IRF5: variants seen among roughly 807,000 people sequenced by gnomAD.
IRF5 encodes interferon regulatory factor 5.
Under a neutral mutation model 55.1 loss-of-function variants are expected in IRF5, and 24 were observed. That is an observed-to-expected ratio of 0.44 (90% CI 0.32 to 0.61). The LOEUF (loss-of-function observed/expected upper bound fraction) is 0.61, where lower values mean the gene tolerates loss of function less well. Among genes scored for constraint, IRF5 ranks in the 20% least tolerant of loss-of-function variants. IRF5 has a pLI of 0.07. For missense variants in IRF5, 499 were observed against 658.5 expected (o/e 0.76, Z 2.65); for synonymous variants, 258 against 260.2 (o/e 0.99, Z 0.08).
At position 128,946,730 on chromosome 7, in the gene IRF5, C is replaced by T. The variant is rs1796326295; in HGVS notation, c.447+168C>T. 5 of 641,292 alleles carry T rather than the reference C, an allele frequency of 7.8e-6. No individual in the cohort carries two copies. In the East Asian group the frequency reaches 1.4e-4, roughly 17 times the overall value. 39.7% of individuals were successfully genotyped at this position (641,292 alleles called of 1,614,324 possible). A position where few individuals can be genotyped will look rare whatever the true frequency, so the allele number is the denominator to read the frequency against. ...ACGATAGGAGCACAGTCCCCACCTG[C>T]TCCTTCCCAGGGCATTGTCATTACC... On this transcript the variant is annotated intron_variant, in intron 4 of 8. Transcript: ENST00000357234. The surrounding 1 kb of genome is among the most constrained non-coding windows in gnomAD (Gnocchi z 4.2).
rs1796446572 is a variant in IRF5, at chr7:128,948,409, G to A, written c.1299+81G>A. On this transcript the variant is annotated intron_variant, in intron 8 of 8. Coordinates refer to ENST00000357234, the MANE Select transcript of IRF5 (RefSeq NM_001098629.3). This position sits in a 1 kb window ranked among gnomAD's most constrained non-coding sequence, Gnocchi z 4.6. ...GCTAGGCCCTTGCCCCAGGCTGGAGGCTCAGGGCTCCCTGAGCAGTGTGAA... is the reference window on the plus strand; with the variant it reads ...GCTAGGCCCTTGCCCCAGGCTGGAGACTCAGGGCTCCCTGAGCAGTGTGAA... The A allele has an allele frequency of 6.8e-7, 1 of 1,463,132 alleles. No individual in the cohort carries two copies. Among genetic ancestry groups the A allele is most frequent in the Admixed American group, 2.1e-5 (1 of 48,498 alleles). 90.6% of individuals were successfully genotyped at this position (1,463,132 alleles called of 1,614,324 possible). A position where few individuals can be genotyped will look rare whatever the true frequency, so the allele number is the denominator to read the frequency against.
At chr7:128,941,417 C>T (rs1320211015) in intron 1 of IRF5, 2 of 152,352 alleles carry the variant, frequency 1.3e-5, no homozygotes, top group Non-Finnish European at 2.9e-5. Context: ...TGCCTGCTGT[C>T]ATTGGAGGTG....
chr7:128,939,321 T>G (rs1585287700), intron 1 of IRF5, among the ~76,000 whole-genome samples: 1 of 152,196 alleles, frequency 6.6e-6, no homozygotes, highest in Non-Finnish European at 1.5e-5. Flanking sequence ...TTGGGGTTTT[T>G]CCCCTGTACC....
In IRF5 at chr7:128,948,933, C is replaced by A; in HGVS notation, c.*115C>A. ...GCTGCAGGGTCCTACCTCTGGGTTTCCTGGAAGTGGATTTGGGCCAAGAAG... is the reference window on the plus strand; with the variant it reads ...GCTGCAGGGTCCTACCTCTGGGTTTACTGGAAGTGGATTTGGGCCAAGAAG... On this transcript the variant is annotated 3_prime_UTR_variant, in exon 9 of 9. Transcript: ENST00000357234. This position sits in a 1 kb window ranked among gnomAD's most constrained non-coding sequence, Gnocchi z 4.6. 1.3e-5 allele frequency: 17 copies of A among 1,317,304 alleles called. No individual in the cohort carries two copies. Among genetic ancestry groups the A allele is most frequent in the Non-Finnish European group, 1.7e-5 (17 of 972,146 alleles). The allele number at this position is 1,317,304 out of a possible 1,614,324, so 81.6% of individuals were successfully genotyped here.
At chr7:128,941,851 G>A (rs986012631) in intron 1 of IRF5, among the ~76,000 whole-genome samples, 4 of 152,306 alleles carry the variant, frequency 2.6e-5, no homozygotes, top group African/African-American at 7.2e-5. Flanking sequence ...CTGGGGCCGC[G>A]CCCGCAGCAT....
Position 128,947,643 on chromosome 7 carries a change from C to T in IRF5, c.788-86C>T, listed in dbSNP as rs946689436. On this transcript the variant is annotated intron_variant, in intron 6 of 8. Transcript: ENST00000357234. This position sits in a 1 kb window ranked among gnomAD's most constrained non-coding sequence, Gnocchi z 6.5. ...CCCTTGGGTGGGAAAAGTGGGAGGG[C>T]GGATGGGGCTGGGCCTGGCCACTGG... 4.0e-6 allele frequency: 6 copies of T among 1,503,110 alleles called. No homozygotes were observed. The highest frequency in any genetic ancestry group is 4.7e-5 in the East Asian group (2 of 42,906). The allele number at this position is 1,503,110 out of a possible 1,614,324, so 93.1% of individuals were successfully genotyped here. A position where few individuals can be genotyped will look rare whatever the true frequency, so the allele number is the denominator to read the frequency against.
chr7:128,942,192 C>T lies in IRF5; in HGVS notation c.111C>T (p.Asn37=), dbSNP rs140402357. Residue 37 remains asparagine (N), a synonymous_variant, in exon 2 of 9, where the codon AAC becomes AAT. Coordinates refer to ENST00000357234, the MANE Select transcript of IRF5 (RefSeq NM_001098629.3). The part of the protein sequence containing the change: ...SCQYPGLQWV[N]GEKKLFCIPW... ...AGTACCCAGGGCTTCAATGGGTCAACGGGGAAAAGAAATTATTCTGCATCC... is the reference window on the plus strand; with the variant it reads ...AGTACCCAGGGCTTCAATGGGTCAATGGGGAAAAGAAATTATTCTGCATCC... 78 of 1,613,936 alleles carry T rather than the reference C, an allele frequency of 4.8e-5. No individual in the cohort carries two copies. The highest frequency in any genetic ancestry group is 6.0e-5 in the Non-Finnish European group (71 of 1,179,986).
rs1302974423 is a variant in IRF5 at position 128,947,342 on chromosome 7, C to CACTCTGCGGCCGCCT, written c.601_602insGGCCGCCTACTCTGC (p.Leu200_Gln201insArgProProThrLeu). On this transcript the variant is annotated inframe_insertion, in exon 6 of 9. Coordinates refer to ENST00000357234, the MANE Select transcript of IRF5 (RefSeq NM_001098629.3). The surrounding 1 kb of genome is among the most constrained non-coding windows in gnomAD (Gnocchi z 6.5). ...TGCGGCCGCCTACTCTGCAGCCGCC[C>CACTCTGCGGCCGCCT]ACTCTGCAGCCGCCCGTGGTGCTGG... 1 of 1,596,254 alleles carries CACTCTGCGGCCGCCT rather than the reference C, an allele frequency of 6.3e-7. No homozygotes were observed. The highest frequency in any genetic ancestry group is 8.5e-7 in the Non-Finnish European group (1 of 1,170,070).
intron 1 of IRF5, 76 bp from the exon 2 acceptor site, chr7:128,941,995 A>G (rs1796048620): frequency 8.8e-7 from 1 of 1,138,352 alleles, no homozygotes; most frequent in South Asian, 1.5e-5. Flanking sequence ...TTTGTGGTCC[A>G]TAGCTTGACC....
Position 128,948,741 on chromosome 7 carries a change from G to A in IRF5, c.1468G>A (p.Val490Met), listed in dbSNP as rs780602210. The change falls in exon 9 of 9, where the codon GTG (valine) becomes ATG (methionine). Residue 490 changes from valine (V) to methionine (M), a missense_variant. Val to Met is a conservative substitution (Grantham distance 21, BLOSUM62 1). Coordinates refer to ENST00000357234, the MANE Select transcript of IRF5 (RefSeq NM_001098629.3). The surrounding 1 kb of genome is among the most constrained non-coding windows in gnomAD (Gnocchi z 4.6). Reference protein sequence around the residue: ...IWQSQQRLQPVAQAPPGAGLG... With the variant: ...IWQSQQRLQPMAQAPPGAGLG... Reference sequence around the variant, plus strand: ...GCAGTCCCAGCAGCGGTTGCAGCCTGTGGCCCAGGCCCCTCCTGGAGCAGG... The same window carrying A: ...GCAGTCCCAGCAGCGGTTGCAGCCTATGGCCCAGGCCCCTCCTGGAGCAGG... 4 of 1,613,202 alleles carry A rather than the reference G, an allele frequency of 2.5e-6. No individual in the cohort carries two copies. In the African/African-American group the frequency reaches 5.3e-5, roughly 22 times the overall value.
At chr7:128,938,208 G>T in intron 1 of IRF5, 159 bp downstream of exon 1, 1 of 152,482 alleles carries the variant, frequency 6.6e-6, no homozygotes, top group Non-Finnish European at 1.5e-5. Context: ...GGAGTAGGGC[G>T]GGGTCCGCGT....
chr7:128,948,461 C>T lies in IRF5; in HGVS notation c.1300-112C>T. ...TTGGCGGCCAGAGACCATCAAGGCT[C>T]AGAGCCGGAGAATGCGGTCTATTAC... On this transcript the variant is annotated intron_variant, in intron 8 of 8. Coordinates refer to ENST00000357234, the MANE Select transcript of IRF5 (RefSeq NM_001098629.3). This position sits in a 1 kb window ranked among gnomAD's most constrained non-coding sequence, Gnocchi z 4.6. 6.6e-7 allele frequency: 1 copy of T among 1,504,230 alleles called. No individual in the cohort carries two copies. 93.2% of individuals were successfully genotyped at this position (1,504,230 alleles called of 1,614,324 possible). A position where few individuals can be genotyped will look rare whatever the true frequency, so the allele number is the denominator to read the frequency against.
At chr7:128,944,906 G>A (rs535013283) in intron 2 of IRF5, among the ~76,000 whole-genome samples, 6 of 152,258 alleles carry the variant, frequency 3.9e-5, no homozygotes, top group African/African-American at 7.2e-5. Flanking sequence ...GCACTGCTGC[G>A]AATAACTTTG....
intron 1 of IRF5, chr7:128,940,317 G>A (rs567693489): frequency 6.6e-5 from 10 of 152,414 alleles, no homozygotes; most frequent in African/African-American, 2.2e-4. Context: ...CTCAGCCCAG[G>A]GGGTCATTAG....
rs34270648 is a variant in IRF5, at chr7:128,948,380, T to TG, written c.1299+56dup. 163,560 of 1,504,572 alleles carry TG rather than the reference T, an allele frequency of 0.11. 10,365 individuals carry two copies. Among genetic ancestry groups the TG allele is most frequent in the Admixed American group, 0.18 (9,012 of 48,914 alleles). 93.2% of individuals were successfully genotyped at this position (1,504,572 alleles called of 1,614,324 possible). On this transcript the variant is annotated intron_variant, in intron 8 of 8. Transcript: ENST00000357234. This position sits in a 1 kb window ranked among gnomAD's most constrained non-coding sequence, Gnocchi z 4.6. ...CCTTGGCTTGAAAACTGGGGAATCC[T>TG]GGGGCTAGGCCCTTGCCCCAGGCTG...
In IRF5 at chr7:128,947,357, C is replaced by G. The variant is rs567430670; in HGVS notation, c.609C>G (p.Pro203=). 6.2e-7 allele frequency: 1 copy of G among 1,608,648 alleles called. No individual in the cohort carries two copies. Among genetic ancestry groups the G allele is most frequent in the Admixed American group, 1.7e-5 (1 of 59,504 alleles). ...PTLQPPTLQP[P]VVLGPPAPDP... ...TGCAGCCGCCCACTCTGCAGCCGCC[C>G]GTGGTGCTGGGTCCCCCTGCTCCAG... Residue 203 remains proline, a synonymous_variant, in exon 6 of 9, where the codon CCC becomes CCG. Transcript: ENST00000357234. The surrounding 1 kb of genome is among the most constrained non-coding windows in gnomAD (Gnocchi z 6.5).
In IRF5 at chr7:128,947,209, G is replaced by A. The variant is rs369592106; in HGVS notation, c.482-21G>A. ...GTTCGTGGAGGTGGCACTGACAGCC[G>A]TCCACACGCACTCTCTGTAGATGCA... is the stretch of plus-strand genomic sequence containing the variant. On this transcript the variant is annotated intron_variant, in intron 5 of 8. Transcript: ENST00000357234. The surrounding 1 kb of genome is among the most constrained non-coding windows in gnomAD (Gnocchi z 6.5). 37 of 1,597,108 alleles carry A rather than the reference G, an allele frequency of 2.3e-5. No homozygotes were observed. The highest frequency in any genetic ancestry group is 9.4e-5 in the African/African-American group (7 of 74,694).
Position 128,947,661 on chromosome 7 carries a change from GC to G in IRF5, c.788-66del, listed in dbSNP as rs1796394607. 1 of 1,517,562 alleles carries G rather than the reference GC, an allele frequency of 6.6e-7. No individual in the cohort carries two copies. The highest frequency in any genetic ancestry group is 1.4e-5 in the African/African-American group (1 of 73,120). The allele number at this position is 1,517,562 out of a possible 1,614,324, so 94.0% of individuals were successfully genotyped here. A position where few individuals can be genotyped will look rare whatever the true frequency, so the allele number is the denominator to read the frequency against. On this transcript the variant is annotated intron_variant, in intron 6 of 8. Coordinates refer to ENST00000357234, the MANE Select transcript of IRF5 (RefSeq NM_001098629.3). The surrounding 1 kb of genome is among the most constrained non-coding windows in gnomAD (Gnocchi z 6.5). ...GGGAGGGCGGATGGGGCTGGGCCTG[GC>G]CACTGGGCTGCAGAATGGGGAGGCG...
At position 128,948,163 on chromosome 7, in the gene IRF5, C is replaced by T. The variant is rs536558299; in HGVS notation, c.1180+42C>T. ...GTGATCCTCCTGGCTGCCTCTTGCC[C>T]AGGGCATGGTTCCAGCCTCTGACTA... On this transcript the variant is annotated intron_variant, in intron 7 of 8. Transcript: ENST00000357234. This position sits in a 1 kb window ranked among gnomAD's most constrained non-coding sequence, Gnocchi z 4.6. 43 of 1,611,528 alleles carry T rather than the reference C, an allele frequency of 2.7e-5. 1 individual carries two copies. In the African/African-American group the frequency reaches 5.1e-4, roughly 19 times the overall value.
Sources: gnomAD v4.1 joint callset for allele counts (sites outside exome capture counted in the v4.1 genomes callset) on GRCh38, gnomAD v4.1.1 for gene constraint, Gnocchi (gnomAD v3.1) non-coding constraint, MANE v1.5 for transcripts, NCBI Gene and HGNC (gene_info 2026-07-23, HGNC 2026-07-21) for gene names.